TNN: variants seen among roughly 807,000 people sequenced by gnomAD.
TNN encodes tenascin N.
TNN carries 122 observed loss-of-function variants against 134.4 expected under a neutral mutation model. That is an observed-to-expected ratio of 0.91 (90% confidence interval 0.78 to 1.06). TNN has a LOEUF of 1.06. Ranked by LOEUF, TNN falls within the 50% of genes least tolerant of loss-of-function variation. The probability of loss-of-function intolerance (pLI) is 0.00; values close to 1 mark genes in which losing one functional copy is unlikely to be tolerated. For synonymous variants in TNN, 710 were observed against 670.3 expected (o/e 1.06, Z -0.91); for missense variants, 1,739 against 1,699.4 (o/e 1.02, Z -0.41).
At chr1:175,138,306 C>G (rs1675866712) in intron 17 of TNN, among the ~76,000 whole-genome samples, 1 of 152,178 alleles carries the variant, frequency 6.6e-6, no homozygotes, top group South Asian at 2.1e-4. Flanking sequence ...TATCTCAGAG[C>G]CTGGTACAGA....
chr1:175,112,836 G>A (rs1675068802), intron 9 of TNN, among the ~76,000 whole-genome samples: 1 of 151,466 alleles, frequency 6.6e-6, no homozygotes, highest in Non-Finnish European at 1.5e-5. Context: ...TGGCTAGGCT[G>A]GTCTCAAACT....
At position 175,079,637 on chromosome 1, in the gene TNN, C is replaced by T. The variant is rs752441799; in HGVS notation, c.714C>T (p.Ser238=). ...AGAAGCGCTGTCCCGGCGACTGCAGCGGCCACGGCTTCTGTGACACGGGCG... is the reference window on the plus strand; with the variant it reads ...AGAAGCGCTGTCCCGGCGACTGCAGTGGCCACGGCTTCTGTGACACGGGCG... The part of the protein sequence containing the change: ...CSEKRCPGDC[S]GHGFCDTGEC... The change falls in exon 3 of 19, where the codon AGC becomes AGT. Residue 238 remains serine, a synonymous_variant. Coordinates refer to ENST00000239462, the MANE Select transcript of TNN (RefSeq NM_022093.2). 3 of 1,607,072 alleles carry T rather than the reference C, an allele frequency of 1.9e-6. No homozygotes were observed. The highest frequency in any genetic ancestry group is 2.7e-5 in the African/African-American group (2 of 74,816).
rs144114502 is a variant in TNN, at chr1:175,142,512, G to A, written c.3596-1875G>A. ...CAGAGGTTCTCACACTGTAGCCTGC[G>A]TCAGATCATCGGAAGGGCTTGTCAA... On this transcript the variant is annotated intron_variant, in intron 17 of 18. Transcript: ENST00000239462. Among the ~76,000 whole-genome samples, 414 of 152,334 alleles carry A rather than the reference G, an allele frequency of 2.7e-3. 3 individuals are homozygous for A. The highest frequency in any genetic ancestry group is 9.4e-3 in the African/African-American group (389 of 41,574).
At chr1:175,081,192 G>A (rs1674192314) in intron 4 of TNN, among the ~76,000 whole-genome samples, 1 of 152,216 alleles carries the variant, frequency 6.6e-6, no homozygotes, top group Admixed American at 6.5e-5. Flanking sequence ...GAGGATGGTG[G>A]AGGCTTGATC....
chr1:175,128,143 G>A lies in TNN; in HGVS notation c.3157G>A (p.Val1053Ile). The change falls in exon 14 of 19, where the codon GTA becomes ATA. Residue 1053 changes from valine (V) to isoleucine (I), a missense_variant. Coordinates refer to ENST00000239462, the MANE Select transcript of TNN (RefSeq NM_022093.2). Reference sequence around the variant, plus strand: ...TAAGGGTGGTCGCCGGAGCAGAAATGTATCCACCACCCTCTCCACAGGTAA... The same window carrying A: ...TAAGGGTGGTCGCCGGAGCAGAAATATATCCACCACCCTCTCCACAGGTAA... Reference protein sequence around the residue: ...AFKGGRRSRNVSTTLSTVGAR... With the variant: ...AFKGGRRSRNISTTLSTVGAR... 6.2e-7 allele frequency: 1 copy of A among 1,610,166 alleles called. No individual in the cohort carries two copies. The highest frequency in any genetic ancestry group is 8.5e-7 in the Non-Finnish European group (1 of 1,177,986).
At chr1:175,116,004 TTC>T (rs1435366389) in intron 9 of TNN, among the ~76,000 whole-genome samples, 1 of 152,200 alleles carries the variant, frequency 6.6e-6, no homozygotes, top group Admixed American at 6.5e-5. Flanking sequence ...TCACCAGAGT[TTC>T]TGTTTCTCCT....
At position 175,147,953 on chromosome 1, in the gene TNN, A is replaced by G. The variant is rs1185179047; in HGVS notation, c.*882A>G. 1 of 152,190 alleles carries G rather than the reference A, an allele frequency of 6.6e-6. No individual in the cohort carries two copies. The allele number at this position is 152,190 out of a possible 1,614,324, so 9.4% of individuals were successfully genotyped here. A position where few individuals can be genotyped will look rare whatever the true frequency, so the allele number is the denominator to read the frequency against. On this transcript the variant is annotated 3_prime_UTR_variant, in exon 19 of 19. Coordinates refer to ENST00000239462, the MANE Select transcript of TNN (RefSeq NM_022093.2). Reference sequence around the variant, plus strand: ...GTTTGATCGGACAGTTAGCAAGATCAGATCCTTTTTGCTTATTTTCTATCA... The same window carrying G: ...GTTTGATCGGACAGTTAGCAAGATCGGATCCTTTTTGCTTATTTTCTATCA...
intron 15 of TNN, among the ~76,000 whole-genome samples, chr1:175,129,968 A>G (rs1675634490): frequency 6.6e-6 from 1 of 152,124 alleles, no homozygotes; most frequent in African/African-American, 2.4e-5. Context: ...TTCTGTGTAG[A>G]TGTTTTATTC....
chr1:175,082,838 GA>G (rs1417111280), intron 4 of TNN, among the ~76,000 whole-genome samples: 1 of 152,132 alleles, frequency 6.6e-6, no homozygotes, highest in Non-Finnish European at 1.5e-5. Flanking sequence ...CAAAAACTTA[GA>G]AGGCCAGGCT....
chr1:175,146,533 G>A (rs1344455951), intron 18 of TNN, among the ~76,000 whole-genome samples: 1 of 152,090 alleles, frequency 6.6e-6, no homozygotes, highest in Non-Finnish European at 1.5e-5. Flanking sequence ...CAATTAATAT[G>A]TTTATTTTTG....
chr1:175,131,296 A>C (rs1479776060), intron 15 of TNN, among the ~76,000 whole-genome samples: 1 of 152,228 alleles, frequency 6.6e-6, no homozygotes, highest in Non-Finnish European at 1.5e-5. Flanking sequence ...GTCTTAATGC[A>C]TTAGAGGCTC....
At chr1:175,137,520 G>A (rs1675845995) in intron 17 of TNN, among the ~76,000 whole-genome samples, 1 of 152,160 alleles carries the variant, frequency 6.6e-6, no homozygotes, top group Non-Finnish European at 1.5e-5. Flanking sequence ...GCAGTTCAGT[G>A]GAAAGTGAAG....
chr1:175,068,938 C>CA lies in TNN; in HGVS notation c.-36+1011dup, dbSNP rs537354727. 4.8e-4 allele frequency among the ~76,000 whole-genome samples: 73 copies of CA among 151,732 alleles called. No homozygotes were observed. The South Asian group carries it at 0.01, about 21-fold the overall frequency. ...ACAAAAACAAAACAAAGCAAACAAA[C>CA]AAAAAAAACTAGTTTTTGGAGGTCT... On this transcript the variant is annotated intron_variant, in intron 1 of 18. Transcript: ENST00000239462.
At chr1:175,073,385 C>A (rs541835554) in intron 1 of TNN, among the ~76,000 whole-genome samples, 1 of 152,270 alleles carries the variant, frequency 6.6e-6, no homozygotes, top group African/African-American at 2.4e-5. Flanking sequence ...CTACACCTGC[C>A]TTCCAACTCA....
intron 1 of TNN, among the ~76,000 whole-genome samples, chr1:175,070,610 C>G (rs1647483728): frequency 6.6e-6 from 1 of 152,206 alleles, no homozygotes. Context: ...CTCTTCCATA[C>G]TTAGCTGTCT....
At chr1:175,077,935 CTTCTCAT>C in intron 2 of TNN, 108 bp downstream of exon 2, 1 of 1,169,388 alleles carries the variant, frequency 8.6e-7, no homozygotes, top group Admixed American at 2.7e-5. Context: ...TGTGCTCCTA[CTTCTCAT>C]TCTGGGTTTT....
chr1:175,146,681 G>A, intron 18 of TNN, among the ~76,000 whole-genome samples: 1 of 151,888 alleles, frequency 6.6e-6, no homozygotes, highest in East Asian at 1.9e-4. Context: ...TCCCACCATA[G>A]AGACCGCCAG....
chr1:175,111,130 C>T (rs545826602), intron 9 of TNN, among the ~76,000 whole-genome samples: 1 of 152,214 alleles, frequency 6.6e-6, no homozygotes, highest in Non-Finnish European at 1.5e-5. Context: ...CCAGCCTGGC[C>T]AACACGGTGA....
At chr1:175,069,967 G>A (rs942834704) in intron 1 of TNN, among the ~76,000 whole-genome samples, 2 of 152,148 alleles carry the variant, frequency 1.3e-5, no homozygotes, top group Non-Finnish European at 2.9e-5. Flanking sequence ...TTAATCTGAC[G>A]CCCCTCACAC....
Sources: allele counts gnomAD v4.1 joint callset (sites outside exome capture counted in the v4.1 genomes callset), GRCh38; gene constraint gnomAD v4.1.1; transcripts MANE v1.5; gene names NCBI Gene and HGNC (gene_info 2026-07-23, HGNC 2026-07-21).